MAPK10: variants seen among roughly 807,000 people sequenced by gnomAD.
The protein encoded by MAPK10 is mitogen-activated protein kinase 10.
A neutral mutation model predicts 59.3 loss-of-function variants in MAPK10; 25 were observed. The observed-to-expected ratio is 0.42, with a 90% CI of 0.31 to 0.59. The LOEUF (loss-of-function observed/expected upper bound fraction) is 0.59, where lower values mean the gene tolerates loss of function less well. Ranked by LOEUF, MAPK10 falls within the 20% of genes least tolerant of loss-of-function variation. MAPK10 has a pLI of 0.15. For missense variants in MAPK10, 351 were observed against 568.9 expected, an observed-to-expected ratio of 0.62 and a Z score of 3.90; for synonymous variants, 190 against 200.5, an observed-to-expected ratio of 0.95 and a Z score of 0.44.
In MAPK10 at chr4:86,476,824, G is replaced by A. The variant is rs568991220; in HGVS notation, c.-263+117086C>T. On this transcript the variant is annotated intron_variant, in intron 1 of 4. Coordinates refer to the MAPK10 transcript ENST00000502302. ...CCAAACGCCTGAACCACAGCTGCCA[G>A]GGGTTCCTCTAGAATCTCCTCCCCC... Among the ~76,000 whole-genome samples the A allele has an allele frequency of 2.0e-5, 3 of 152,248 alleles. No homozygotes were observed. The South Asian group carries it at 6.2e-4, about 32-fold the overall frequency.
intron 1 of MAPK10, among the ~76,000 whole-genome samples, chr4:86,365,514 A>C (rs1737718047): frequency 6.9e-6 from 1 of 144,598 alleles, no homozygotes; most frequent in Admixed American, 7.4e-5. Context: ...ATTTCTCATT[A>C]TCTCCCCTGA....
At chr4:86,294,756 G>A (rs1041245465) in intron 2 of MAPK10, among the ~76,000 whole-genome samples, 4 of 152,174 alleles carry the variant, frequency 2.6e-5, no homozygotes, top group South Asian at 4.1e-4. Flanking sequence ...GGAGGCTGAG[G>A]TGGCCAGAAT....
At chr4:86,290,482 A>T (rs2095186598) in intron 2 of MAPK10, among the ~76,000 whole-genome samples, 1 of 152,184 alleles carries the variant, frequency 6.6e-6, no homozygotes, top group Non-Finnish European at 1.5e-5. Context: ...CTGCTCTCCC[A>T]GTTATCTGTA....
chr4:86,307,887 G>T (rs1477427412), intron 2 of MAPK10, among the ~76,000 whole-genome samples: 5 of 152,134 alleles, frequency 3.3e-5, no homozygotes, highest in Non-Finnish European at 4.4e-5. Flanking sequence ...AACAGAGGTA[G>T]GACACCAGCA....
At chr4:86,461,977 C>G (rs192603940) in intron 1 of MAPK10, among the ~76,000 whole-genome samples, 2 of 152,242 alleles carry the variant, frequency 1.3e-5, no homozygotes, top group Non-Finnish European at 2.9e-5. Flanking sequence ...GAGCCTTTTC[C>G]TTTTAAATTC....
At chr4:86,481,825 A>T (rs1319572117) in intron 1 of MAPK10, among the ~76,000 whole-genome samples, 1 of 152,208 alleles carries the variant, frequency 6.6e-6, no homozygotes, top group African/African-American at 2.4e-5. Context: ...TGCCAATCTG[A>T]CAAGCAAAAC....
Position 86,029,060 on chromosome 4 carries a change from T to G in MAPK10, c.1252+137A>C, listed in dbSNP as rs766714011. ...AATATCAAAAGAAATAAAACTAAAA[T>G]CATTATAAGGACACAACCATGTGAT... On this transcript the variant is annotated intron_variant, in intron 13 of 13. Transcript: ENST00000641462. 177 of 754,282 alleles carry G rather than the reference T, an allele frequency of 2.3e-4. 3 individuals are homozygous for G. Among genetic ancestry groups the G allele is most frequent in the South Asian group, 1.0e-3 (72 of 72,336 alleles). 46.7% of individuals were successfully genotyped at this position (754,282 alleles called of 1,614,324 possible).
At chr4:86,096,177 T>C (rs1393081829) in intron 9 of MAPK10, among the ~76,000 whole-genome samples, 1 of 151,714 alleles carries the variant, frequency 6.6e-6, no homozygotes, top group African/African-American at 2.4e-5. Context: ...TTAGAGATTA[T>C]TTAAATGTCT....
intron 3 of MAPK10, chr4:86,191,833 T>G (rs2079962734): frequency 6.6e-6 from 1 of 152,114 alleles, no homozygotes; most frequent in Non-Finnish European, 1.5e-5. Flanking sequence ...CTGGTTATTT[T>G]GCCCATTAGT....
chr4:86,305,207 T>A (rs2095545431), intron 2 of MAPK10, among the ~76,000 whole-genome samples: 3 of 152,214 alleles, frequency 2.0e-5, no homozygotes, highest in Admixed American at 2.0e-4. Flanking sequence ...ATTTTATTTA[T>A]AATAATGTGA....
At position 86,475,456 on chromosome 4, in the gene MAPK10, A is replaced by C. The variant is rs543332221; in HGVS notation, c.-263+118454T>G. Among the ~76,000 whole-genome samples the C allele has an allele frequency of 6.6e-5, 10 of 152,118 alleles. No individual in the cohort carries two copies. In the South Asian group the frequency reaches 1.9e-3, roughly 28 times the overall value. On this transcript the variant is annotated intron_variant, in intron 1 of 4. Transcript: ENST00000502302. ...TTTCTCCTTTCAATCTTGGCGCCAC[A>C]CTTCAATCTCTCCCTTCTCTTAATT...
chr4:86,030,074 C>G (rs796088536), intron 12 of MAPK10, among the ~76,000 whole-genome samples: 19 of 152,250 alleles, frequency 1.2e-4, no homozygotes, highest in African/African-American at 4.6e-4. Context: ...TCTCCAATTT[C>G]TCACAATTTA....
At chr4:86,210,814 C>T (rs555919740) in intron 2 of MAPK10, among the ~76,000 whole-genome samples, 4 of 150,296 alleles carry the variant, frequency 2.7e-5, no homozygotes, top group East Asian at 3.9e-4. Flanking sequence ...CAAAGATGCT[C>T]AAAGAACTGA....
At chr4:86,199,025 A>G (rs1215589606) in intron 2 of MAPK10, among the ~76,000 whole-genome samples, 2 of 152,086 alleles carry the variant, frequency 1.3e-5, no homozygotes, top group African/African-American at 2.4e-5. Context: ...GCTGAAGAGT[A>G]TAATACATAT....
chr4:86,587,263 C>G (rs1470282753), intron 1 of MAPK10, among the ~76,000 whole-genome samples: 1 of 152,148 alleles, frequency 6.6e-6, no homozygotes, highest in Non-Finnish European at 1.5e-5. Flanking sequence ...TGTACTTTGT[C>G]CCAGTGTTTA....
intron 11 of MAPK10, among the ~76,000 whole-genome samples, chr4:86,062,100 T>G (rs2045867983): frequency 6.6e-6 from 1 of 152,118 alleles, no homozygotes; most frequent in African/African-American, 2.4e-5. Flanking sequence ...ATGCACTTCA[T>G]AGAGTAATAA....
At chr4:86,286,916 G>T (rs935529103) in intron 2 of MAPK10, among the ~76,000 whole-genome samples, 1 of 152,184 alleles carries the variant, frequency 6.6e-6, no homozygotes, top group African/African-American at 2.4e-5. Flanking sequence ...TTTGAAAACT[G>T]GTAGGTAGAG....
At chr4:86,212,852 T>C (rs1026645093) in intron 2 of MAPK10, among the ~76,000 whole-genome samples, 13 of 151,946 alleles carry the variant, frequency 8.6e-5, no homozygotes, top group African/African-American at 2.9e-4. Context: ...TGTAAAGAAA[T>C]AGAGAACTTG....
At chr4:86,036,120 T>C (rs1483885844) in intron 11 of MAPK10, among the ~76,000 whole-genome samples, 1 of 152,182 alleles carries the variant, frequency 6.6e-6, no homozygotes, top group Non-Finnish European at 1.5e-5. Flanking sequence ...AAGCTAGTAA[T>C]TGGCCATTTC....
Sources: gnomAD v4.1 joint callset for allele counts (sites outside exome capture counted in the v4.1 genomes callset) on GRCh38, gnomAD v4.1.1 for gene constraint, MANE v1.5 for transcripts, NCBI Gene and HGNC (gene_info 2026-07-23, HGNC 2026-07-21) for gene names.